The following PHOSPHO1 variants were observed in gnomAD, a reference collection of about 807,000 sequenced individuals.
PHOSPHO1 encodes phosphoethanolamine/phosphocholine phosphatase.
PHOSPHO1 carries 6 observed loss-of-function variants against 17.7 expected under a neutral mutation model. The observed-to-expected ratio is 0.34, with a 90% CI of 0.19 to 0.67. The LOEUF (loss-of-function observed/expected upper bound fraction) is 0.67. PHOSPHO1 is among the 30% of genes least tolerant of loss of function. PHOSPHO1 has a pLI of 0.69. For missense variants in PHOSPHO1, 330 were observed against 392.1 expected (o/e 0.84, Z 1.34); for synonymous variants, 159 against 174.6 (o/e 0.91, Z 0.71).
intron 2 of PHOSPHO1, chr17:49,225,836 T>G (rs2043349519): frequency 1.4e-5 from 16 of 1,173,830 alleles, no homozygotes; most frequent in South Asian, 7.8e-5. Flanking sequence ...GGCAGAGGAG[T>G]GGGAGGGGCC....
At position 49,223,888 on chromosome 17, in the gene PHOSPHO1, A is replaced by C; in HGVS notation, c.*358T>G. ...GGCGGTCACGCAGCCCGAGGCAACA[A>C]GTTACAGCGGCGGGAGATGTTCCTT... On this transcript the variant is annotated 3_prime_UTR_variant, in exon 3 of 3. Coordinates refer to ENST00000310544, the MANE Select transcript of PHOSPHO1 (RefSeq NM_178500.4). 4.6e-6 allele frequency: 1 copy of C among 215,330 alleles called. No individual in the cohort carries two copies. The highest frequency in any genetic ancestry group is 9.2e-6 in the Non-Finnish European group (1 of 109,014). The allele number at this position is 215,330 out of a possible 1,614,324, so 13.3% of individuals were successfully genotyped here.
At chr17:49,230,276 T>C (rs1049413691) in intron 1 of PHOSPHO1, among the ~76,000 whole-genome samples, 192 bp downstream of exon 1, 1 of 151,930 alleles carries the variant, frequency 6.6e-6, no homozygotes, top group Non-Finnish European at 1.5e-5. Flanking sequence ...ACCAATTCCT[T>C]GGCTTTGTCA....
Position 49,225,599 on chromosome 17 carries a change from C to T in PHOSPHO1, c.46-595G>A. 4 of 1,291,834 alleles carry T rather than the reference C, an allele frequency of 3.1e-6. No individual in the cohort carries two copies. In the South Asian group the frequency reaches 3.7e-5, roughly 12 times the overall value. The allele number at this position is 1,291,834 out of a possible 1,614,324, so 80.0% of individuals were successfully genotyped here. ...TGAACAGGGGTCTAGGGATGGGGCA[C>T]AGCTTCTTCGGGGAGTTTTAGGGCC... On this transcript the variant is annotated intron_variant, in intron 2 of 2. Coordinates refer to ENST00000310544, the MANE Select transcript of PHOSPHO1 (RefSeq NM_178500.4).
rs1277427387 is a variant in PHOSPHO1 at position 49,225,115 on chromosome 17, G to C, written c.46-111C>G. On this transcript the variant is annotated intron_variant, in intron 2 of 2. Coordinates refer to ENST00000310544, the MANE Select transcript of PHOSPHO1 (RefSeq NM_178500.4). ...TGGTTAGCGGGCCACGGCCAGAGGC[G>C]CTGGCACATCCAACACCTGAGGAGG... 7.6e-6 allele frequency: 11 copies of C among 1,441,232 alleles called. No individual in the cohort carries two copies. The highest frequency in any genetic ancestry group is 9.1e-6 in the Non-Finnish European group (10 of 1,103,354). 89.3% of individuals were successfully genotyped at this position (1,441,232 alleles called of 1,614,324 possible).
chr17:49,224,594 C>A lies in PHOSPHO1; in HGVS notation c.456G>T (p.Pro152=). 1 of 1,567,322 alleles carries A rather than the reference C, an allele frequency of 6.4e-7. No individual in the cohort carries two copies. The highest frequency in any genetic ancestry group is 1.8e-5 in the Admixed American group (1 of 54,392). Residue 152 remains proline (P), a synonymous_variant, in exon 3 of 3, where the codon CCG becomes CCT. Transcript: ENST00000310544. The part of the protein sequence containing the change: ...FRRILSNPSG[P]DARGLLALRP... ...GCAGAGCCAGCAGTCCCCGCGCATC[C>A]GGCCCCGACGGGTTGCTGAGGATGC... is the stretch of plus-strand genomic sequence containing the variant.
At position 49,224,882 on chromosome 17, in the gene PHOSPHO1, C is replaced by T. The variant is rs1426311156; in HGVS notation, c.168G>A (p.Pro56=). 1 of 1,603,862 alleles carries T rather than the reference C, an allele frequency of 6.2e-7. No homozygotes were observed. Among genetic ancestry groups the T allele is most frequent in the Non-Finnish European group, 8.5e-7 (1 of 1,176,210 alleles). The change falls in exon 3 of 3, where the codon CCG becomes CCA. Residue 56 remains proline, a synonymous_variant. Transcript: ENST00000310544. The part of the protein sequence containing the change: ...IVRAAPGQRL[P]ESLRATYREG... ...CGCGGTAGGTGGCTCGCAGGCTCTC[C>T]GGGAGCCGCTGGCCCGGCGCGGCGC...
At position 49,224,144 on chromosome 17, in the gene PHOSPHO1, C is replaced by G. The variant is rs951215329; in HGVS notation, c.*102G>C. 6 of 1,414,738 alleles carry G rather than the reference C, an allele frequency of 4.2e-6. No homozygotes were observed. The African/African-American group carries it at 8.7e-5, about 20-fold the overall frequency. 87.6% of individuals were successfully genotyped at this position (1,414,738 alleles called of 1,614,324 possible). On this transcript the variant is annotated 3_prime_UTR_variant, in exon 3 of 3. Transcript: ENST00000310544. ...TCCAGAAATTCCCAGAGGGACATAA[C>G]AAAGCCAAAGGGAAAAGGGAGTAGT... is the stretch of plus-strand genomic sequence containing the variant.
At chr17:49,225,330 G>A (rs2043342688) in intron 2 of PHOSPHO1, 1 of 985,448 alleles carries the variant, frequency 1.0e-6, no homozygotes, top group Non-Finnish European at 1.2e-6. Context: ...GAAGGGAAGA[G>A]CAGCTTCCAA....
Position 49,224,976 on chromosome 17 carries a change from G to T in PHOSPHO1, c.74C>A (p.Pro25Gln). The change falls in exon 3 of 3, where the codon CCG becomes CAG. Residue 25 changes from proline to glutamine, a missense_variant. Pro to Gln is a moderately conservative substitution (Grantham distance 76). Transcript: ENST00000310544. ...RDGRMAAQGA[P>Q]RFLLTFDFDE... Reference sequence around the variant, plus strand: ...GAAGTCGAAGGTCAGGAGGAAGCGCGGCGCGCCCTGCGCGGCCATCCTGCC... The same window carrying T: ...GAAGTCGAAGGTCAGGAGGAAGCGCTGCGCGCCCTGCGCGGCCATCCTGCC... 1 of 1,553,320 alleles carries T rather than the reference G, an allele frequency of 6.4e-7. No individual in the cohort carries two copies.
chr17:49,223,609 G>T lies in PHOSPHO1; in HGVS notation c.*637C>A, dbSNP rs565456803. The T allele has an allele frequency of 1.3e-5, 2 of 152,838 alleles. No homozygotes were observed. Among genetic ancestry groups the T allele is most frequent in the African/African-American group, 4.8e-5 (2 of 41,568 alleles). 9.5% of individuals were successfully genotyped at this position (152,838 alleles called of 1,614,324 possible). On this transcript the variant is annotated 3_prime_UTR_variant, in exon 3 of 3. Coordinates refer to ENST00000310544, the MANE Select transcript of PHOSPHO1 (RefSeq NM_178500.4). Reference sequence around the variant, plus strand: ...TGGCTGTCCGGACCCGAGCCGGACGGTGCGCTACCTCGTACCACCACCAGG... The same window carrying T: ...TGGCTGTCCGGACCCGAGCCGGACGTTGCGCTACCTCGTACCACCACCAGG...
intron 2 of PHOSPHO1, 53 bp downstream of exon 2, chr17:49,226,594 G>T: frequency 6.3e-7 from 1 of 1,594,354 alleles, no homozygotes; most frequent in Non-Finnish European, 8.6e-7. Flanking sequence ...AAGGTGATGG[G>T]AAACTGGGGG....
In PHOSPHO1 at chr17:49,224,197, C is replaced by T. The variant is rs2043323439; in HGVS notation, c.*49G>A. 2 of 1,501,802 alleles carry T rather than the reference C, an allele frequency of 1.3e-6. No individual in the cohort carries two copies. The highest frequency in any genetic ancestry group is 1.8e-6 in the Non-Finnish European group (2 of 1,131,908). 93.0% of individuals were successfully genotyped at this position (1,501,802 alleles called of 1,614,324 possible). A position where few individuals can be genotyped will look rare whatever the true frequency, so the allele number is the denominator to read the frequency against. On this transcript the variant is annotated 3_prime_UTR_variant, in exon 3 of 3. Transcript: ENST00000310544. ...AGCTGTCTTTGCCGAATCTCCCTTC[C>T]CCGCCCCCTCCGCCGTTGGCCCGGG...
Position 49,226,328 on chromosome 17 carries a change from C to T in PHOSPHO1, c.45+319G>A, listed in dbSNP as rs1181884974. 2.0e-5 allele frequency among the ~76,000 whole-genome samples: 3 copies of T among 152,170 alleles called. No individual in the cohort carries two copies. In the East Asian group the frequency reaches 5.8e-4, roughly 29 times the overall value. On this transcript the variant is annotated intron_variant, in intron 2 of 2. Transcript: ENST00000310544. ...TTGTGAAACAGAAACCCAAGCTCCT[C>T]ATTTCGGAGCTGGGATTTCGATTGG... is the stretch of plus-strand genomic sequence containing the variant.
In PHOSPHO1 at chr17:49,230,740, G is replaced by GGGAGCC. The variant is rs918247170; in HGVS notation, c.-346_-341dup. On this transcript the variant is annotated 5_prime_UTR_variant, in exon 1 of 3. Coordinates refer to ENST00000310544, the MANE Select transcript of PHOSPHO1 (RefSeq NM_178500.4). The stretch of plus-strand genomic sequence containing the variant: ...GCCGCCGCGTCCCCTTTAAATGCCC[G>GGGAGCC]GGAGCCGGAGCCGGAGCCGGAGCCG... 35 of 155,914 alleles carry GGGAGCC rather than the reference G, an allele frequency of 2.2e-4. No individual in the cohort carries two copies. Among genetic ancestry groups the GGGAGCC allele is most frequent in the South Asian group, 2.2e-3 (13 of 5,918 alleles). 9.7% of individuals were successfully genotyped at this position (155,914 alleles called of 1,614,324 possible). A position where few individuals can be genotyped will look rare whatever the true frequency, so the allele number is the denominator to read the frequency against.
intron 1 of PHOSPHO1, among the ~76,000 whole-genome samples, chr17:49,227,673 G>A (rs559480927): frequency 1.3e-5 from 2 of 152,308 alleles, no homozygotes; most frequent in African/African-American, 4.8e-5. Context: ...TGACTATTCA[G>A]GAGGGAGAAG....
chr17:49,228,382 G>T (rs1226660738), intron 1 of PHOSPHO1, among the ~76,000 whole-genome samples: 1 of 151,590 alleles, frequency 6.6e-6, no homozygotes, highest in African/African-American at 2.4e-5. Flanking sequence ...TTTCAGCCAG[G>T]CAGGGTGGCT....
chr17:49,229,439 C>G (rs1467830509), intron 1 of PHOSPHO1, among the ~76,000 whole-genome samples: 1 of 152,110 alleles, frequency 6.6e-6, no homozygotes, highest in African/African-American at 2.4e-5. Context: ...AATTCTGCAC[C>G]GGGTCACAGA....
rs1367689274 is a variant in PHOSPHO1 at position 49,224,999 on chromosome 17, G to A, written c.51C>T (p.Gly17=). 10 of 1,524,654 alleles carry A rather than the reference G, an allele frequency of 6.6e-6. No individual in the cohort carries two copies. Among genetic ancestry groups the A allele is most frequent in the Non-Finnish European group, 7.0e-6 (8 of 1,136,232 alleles). 94.4% of individuals were successfully genotyped at this position (1,524,654 alleles called of 1,614,324 possible). ...VSGLRCLSRD[G]RMAAQGAPRF... is the part of the protein sequence containing the mutation. The stretch of plus-strand genomic sequence containing the variant: ...GCGGCGCGCCCTGCGCGGCCATCCT[G>A]CCGTCCTGGGAGCAGGGGGGAGAGC... The change falls in exon 3 of 3, where the codon GGC becomes GGT. Residue 17 remains glycine (G), a synonymous_variant. Transcript: ENST00000310544.
intron 1 of PHOSPHO1, among the ~76,000 whole-genome samples, chr17:49,230,026 G>A (rs2043397525): frequency 6.6e-6 from 1 of 152,158 alleles, no homozygotes; most frequent in South Asian, 2.1e-4. Context: ...AGGCGTCTGG[G>A]TCTAGCAGTC....
Sources: allele counts gnomAD v4.1 joint callset (sites outside exome capture counted in the v4.1 genomes callset), GRCh38; gene constraint gnomAD v4.1.1; transcripts MANE v1.5; gene names NCBI Gene and HGNC (gene_info 2026-07-23, HGNC 2026-07-21).